DPYD: variants seen among roughly 807,000 people sequenced by gnomAD.
DPYD encodes dihydropyrimidine dehydrogenase.
A neutral mutation model predicts 116.2 loss-of-function variants in DPYD; 109 were observed. The ratio of observed to expected loss-of-function variants is 0.94; its 90% confidence interval spans 0.80 to 1.10. The LOEUF (loss-of-function observed/expected upper bound fraction) is 1.10, where lower values mean the gene tolerates loss of function less well. DPYD is among the 50% of genes least tolerant of loss of function. The probability of loss-of-function intolerance (pLI) is 0.00; values close to 1 mark genes in which losing one functional copy is unlikely to be tolerated. For synonymous variants in DPYD, 440 were observed against 432.0 expected (o/e 1.02, Z -0.23); for missense variants, 1,302 against 1,254.5 (o/e 1.04, Z -0.57).
At chr1:97,792,403 C>A (rs1207633064) in intron 3 of DPYD, among the ~76,000 whole-genome samples, 2 of 151,900 alleles carry the variant, frequency 1.3e-5, no homozygotes, top group Non-Finnish European at 2.9e-5. Flanking sequence ...AGGCAGCCAA[C>A]ACACCCAGCT....
intron 3 of DPYD, among the ~76,000 whole-genome samples, chr1:97,802,024 A>G (rs953320823): frequency 6.6e-6 from 1 of 151,934 alleles, no homozygotes; most frequent in Admixed American, 6.6e-5. Flanking sequence ...CAGTATATCA[A>G]TTGAGCTTTT....
intron 17 of DPYD, 64 bp downstream of exon 17, chr1:97,306,113 T>C: frequency 6.2e-7 from 1 of 1,608,612 alleles, no homozygotes; most frequent in Non-Finnish European, 8.5e-7. Flanking sequence ...CATACTTGAG[T>C]ATGGCTACAT....
At position 97,828,129 on chromosome 1, in the gene DPYD, A is replaced by G; in HGVS notation, c.218T>C (p.Leu73Pro). ...CCAGACTTACCTCATTGCTTCTCGG[A>G]GAGCTCCTCGCTCACCAAGAGTCGT... Reference protein sequence around the residue: ...KHTTLGERGALREAMRCLKCA... With the variant: ...KHTTLGERGAPREAMRCLKCA... Residue 73 changes from leucine (L) to proline (P), a missense_variant, in exon 3 of 23, where the codon CTC (leucine) becomes CCC (proline). Transcript: ENST00000370192. The G allele has an allele frequency of 6.2e-7, 1 of 1,613,716 alleles. No individual in the cohort carries two copies. The highest frequency in any genetic ancestry group is 8.5e-7 in the Non-Finnish European group (1 of 1,179,786).
At chr1:97,087,042 C>T (rs1351861270) in intron 21 of DPYD, among the ~76,000 whole-genome samples, 1 of 152,172 alleles carries the variant, frequency 6.6e-6, no homozygotes. Flanking sequence ...ATTCAGTTTG[C>T]TCTTACTGAA....
rs116594270 is a variant in DPYD, at chr1:97,242,837, G to A, written c.2300-7843C>T. 1.2e-3 allele frequency among the ~76,000 whole-genome samples: 176 copies of A among 151,656 alleles called. 2 individuals carry two copies. Among genetic ancestry groups the A allele is most frequent in the African/African-American group, 4.1e-3 (168 of 41,430 alleles). On this transcript the variant is annotated intron_variant, in intron 18 of 22. Transcript: ENST00000370192. ...ATCTACAAACACAACAGAGTGAATA[G>A]GATGATCTCTCTTGATCTGTCTTTC...
intron 3 of DPYD, among the ~76,000 whole-genome samples, chr1:97,741,000 C>T (rs2101071514): frequency 6.6e-6 from 1 of 152,128 alleles, no homozygotes; most frequent in African/African-American, 2.4e-5. Flanking sequence ...CCATCCCATT[C>T]ACAGGACAAT....
chr1:97,438,815 C>T (rs1489207659), intron 14 of DPYD, among the ~76,000 whole-genome samples: 1 of 151,970 alleles, frequency 6.6e-6, no homozygotes, highest in Non-Finnish European at 1.5e-5. Context: ...CATGGATTTT[C>T]TACACAGATA....
chr1:97,387,682 A>G (rs903553250), intron 14 of DPYD, among the ~76,000 whole-genome samples: 4 of 152,098 alleles, frequency 2.6e-5, no homozygotes, highest in Admixed American at 2.6e-4. Flanking sequence ...CACATTAAAT[A>G]AAATGTGGAA....
intron 18 of DPYD, among the ~76,000 whole-genome samples, chr1:97,238,429 A>G (rs1026120586): frequency 4.6e-5 from 7 of 152,166 alleles, no homozygotes; most frequent in African/African-American, 1.7e-4. Context: ...TCATCCACTA[A>G]GAACGGTTTC....
At chr1:97,306,409 G>C in intron 16 of DPYD, 112 bp from the exon 17 acceptor site, 1 of 1,358,956 alleles carries the variant, frequency 7.4e-7, no homozygotes. Flanking sequence ...ACTTGACAAT[G>C]AGCTACATGA....
At chr1:97,888,823 G>C (rs1672632096) in intron 1 of DPYD, among the ~76,000 whole-genome samples, 1 of 152,032 alleles carries the variant, frequency 6.6e-6, no homozygotes, top group African/African-American at 2.4e-5. Context: ...CAAACAATAA[G>C]AGAATTTGTT....
intron 8 of DPYD, among the ~76,000 whole-genome samples, chr1:97,648,927 C>A (rs1347857298): frequency 1.3e-5 from 2 of 151,972 alleles, no homozygotes; most frequent in Non-Finnish European, 2.9e-5. Flanking sequence ...CCTCTATAGA[C>A]CCTCAGTGTC....
At chr1:97,286,400 G>T (rs1247367875) in intron 18 of DPYD, among the ~76,000 whole-genome samples, 9 of 152,062 alleles carry the variant, frequency 5.9e-5, no homozygotes, top group Non-Finnish European at 1.2e-4. Context: ...TATGTGTCTT[G>T]GAGTTGCTCT....
chr1:97,150,595 C>T (rs963571524), intron 20 of DPYD, among the ~76,000 whole-genome samples: 1 of 152,142 alleles, frequency 6.6e-6, no homozygotes, highest in South Asian at 2.1e-4. Context: ...TGAAGAAGCC[C>T]TCTTCTCAGA....
intron 14 of DPYD, among the ~76,000 whole-genome samples, chr1:97,440,867 A>G (rs993166422): frequency 1.3e-5 from 2 of 152,218 alleles, no homozygotes; most frequent in Admixed American, 6.5e-5. Flanking sequence ...AAACAGTTTA[A>G]CATTACGCAG....
intron 13 of DPYD, among the ~76,000 whole-genome samples, chr1:97,489,788 A>G (rs1678865878): frequency 6.6e-6 from 1 of 152,246 alleles, no homozygotes; most frequent in South Asian, 2.1e-4. Flanking sequence ...AAGAAAACAA[A>G]CTTAGCATTT....
At chr1:97,688,573 T>C (rs774306897) in intron 7 of DPYD, among the ~76,000 whole-genome samples, 3 of 152,030 alleles carry the variant, frequency 2.0e-5, no homozygotes, top group Non-Finnish European at 4.4e-5. Context: ...GATAATATTC[T>C]TACCAATGAG....
At chr1:97,877,613 A>G (rs1450165357) in intron 2 of DPYD, among the ~76,000 whole-genome samples, 1 of 151,994 alleles carries the variant, frequency 6.6e-6, no homozygotes, top group Non-Finnish European at 1.5e-5. Context: ...ACTACTGTCT[A>G]TTTTTGGAAG....
At chr1:97,157,995 C>G (rs781487563) in intron 20 of DPYD, among the ~76,000 whole-genome samples, 38 of 152,030 alleles carry the variant, frequency 2.5e-4, no homozygotes, top group Non-Finnish European at 2.1e-4. Flanking sequence ...CTTAGGGTAA[C>G]CATATATATT....
Sources: allele counts gnomAD v4.1 joint callset (sites outside exome capture counted in the v4.1 genomes callset), GRCh38; gene constraint gnomAD v4.1.1; transcripts MANE v1.5; gene names NCBI Gene and HGNC (gene_info 2026-07-23, HGNC 2026-07-21).